MAPK10: variants seen among roughly 807,000 people sequenced by gnomAD.
MAPK10 encodes JNK3 alpha protein kinase.
MAPK10 carries 25 observed loss-of-function variants against 59.3 expected under a neutral mutation model. That is an observed-to-expected ratio of 0.42 (90% CI 0.31 to 0.59). MAPK10 has a LOEUF of 0.59. MAPK10 is among the 20% of genes least tolerant of loss of function. MAPK10 has a pLI of 0.15. For synonymous variants in MAPK10, 190 were observed against 200.5 expected (o/e 0.95, Z 0.44); for missense variants, 351 against 568.9 (o/e 0.62, Z 3.90).
chr4:86,346,823 C>A (rs376686804), intron 2 of MAPK10, among the ~76,000 whole-genome samples: 1 of 151,146 alleles, frequency 6.6e-6, no homozygotes, highest in Non-Finnish European at 1.5e-5. Context: ...CACTTTTTCA[C>A]GTAGTTTTTG....
Position 86,208,753 on chromosome 4 carries a change from G to A in MAPK10, c.-6-14346C>T, listed in dbSNP as rs542877447. On this transcript the variant is annotated intron_variant, in intron 2 of 13. Coordinates refer to ENST00000641462, the MANE Select transcript of MAPK10 (RefSeq NM_138982.4). ...AGTTCTGGCCAGGGCAATTAGGCAG[G>A]AGAAGAAAATAAAGGGTATTCAATT... Among the ~76,000 whole-genome samples, 919 of 152,112 alleles carry A rather than the reference G, an allele frequency of 6.0e-3. 7 individuals are homozygous for A. Among genetic ancestry groups the A allele is most frequent in the South Asian group, 0.021 (100 of 4,814 alleles).
intron 1 of MAPK10, among the ~76,000 whole-genome samples, chr4:86,435,161 A>G (rs1286153931): frequency 2.0e-5 from 3 of 152,164 alleles, no homozygotes; most frequent in Non-Finnish European, 4.4e-5. Flanking sequence ...GGAAAAAAAG[A>G]ATATAAAGGT....
chr4:86,319,880 G>A (rs939185124), intron 2 of MAPK10, among the ~76,000 whole-genome samples: 58 of 152,296 alleles, frequency 3.8e-4, no homozygotes, highest in African/African-American at 1.1e-3. Context: ...ACTGCCCAAG[G>A]CAGAAACCTC....
intron 1 of MAPK10, among the ~76,000 whole-genome samples, chr4:86,525,891 C>A (rs1165348755): frequency 6.6e-6 from 1 of 152,180 alleles, no homozygotes; most frequent in Non-Finnish European, 1.5e-5. Flanking sequence ...TGGGGAATTT[C>A]AAACACTAAA....
chr4:86,225,098 G>T (rs989762737), intron 2 of MAPK10, among the ~76,000 whole-genome samples: 1 of 152,176 alleles, frequency 6.6e-6, no homozygotes, highest in South Asian at 2.1e-4. Flanking sequence ...CAATATATTC[G>T]TTTTCTGTGC....
chr4:86,561,172 G>GCCA (rs1760649475), intron 1 of MAPK10, among the ~76,000 whole-genome samples: 2 of 152,156 alleles, frequency 1.3e-5, no homozygotes, highest in African/African-American at 4.8e-5. Flanking sequence ...AGAATCTAAT[G>GCCA]CCACTGCTGA....
intron 1 of MAPK10, among the ~76,000 whole-genome samples, chr4:86,468,058 C>T (rs1752363700): frequency 6.6e-6 from 1 of 152,204 alleles, no homozygotes; most frequent in Non-Finnish European, 1.5e-5. Flanking sequence ...AGAAACTTTG[C>T]TTTAGCTTCT....
chr4:86,382,070 C>T (rs1740800829), intron 1 of MAPK10, among the ~76,000 whole-genome samples: 1 of 152,102 alleles, frequency 6.6e-6, no homozygotes, highest in Non-Finnish European at 1.5e-5. Flanking sequence ...GAATGTTTAG[C>T]AAGAAGCATC....
chr4:86,447,025 G>A (rs150500997), intron 1 of MAPK10, among the ~76,000 whole-genome samples: 3 of 152,128 alleles, frequency 2.0e-5, no homozygotes, highest in African/African-American at 4.8e-5. Context: ...CATGTTAAAC[G>A]TTTGTAACAT....
intron 2 of MAPK10, among the ~76,000 whole-genome samples, chr4:86,337,814 G>T (rs1456533563): frequency 6.6e-6 from 1 of 152,152 alleles, no homozygotes; most frequent in Non-Finnish European, 1.5e-5. Context: ...CCATTGATTT[G>T]CCCAGATAGA....
intron 1 of MAPK10, among the ~76,000 whole-genome samples, chr4:86,372,572 A>AAAG (rs1564749756): frequency 7.0e-4 from 73 of 104,014 alleles, no homozygotes; most frequent in African/African-American, 2.1e-3. Context: ...AAGAAAGAAA[A>AAAG]GAAAAGAAAA....
chr4:86,357,431 T>G (rs1735087090), intron 1 of MAPK10, among the ~76,000 whole-genome samples: 1 of 152,124 alleles, frequency 6.6e-6, no homozygotes, highest in Admixed American at 6.6e-5. Context: ...CATGGGAGGT[T>G]TTTCTAGATT....
chr4:86,449,107 C>A (rs901015649), intron 1 of MAPK10, among the ~76,000 whole-genome samples: 1 of 151,988 alleles, frequency 6.6e-6, no homozygotes, highest in African/African-American at 2.4e-5. Context: ...CACCTCACGA[C>A]CCTGCTCACC....
chr4:86,142,827 G>C (rs1281671682), intron 4 of MAPK10, among the ~76,000 whole-genome samples: 1 of 152,086 alleles, frequency 6.6e-6, no homozygotes, highest in Non-Finnish European at 1.5e-5. Flanking sequence ...ATGGTTATAA[G>C]AACTTCCCTA....
Position 86,191,300 on chromosome 4 carries a change from T to C in MAPK10, c.66+3036A>G, listed in dbSNP as rs2079698176. ...GCTGCATTCAAGTCCTGAATATCCT[T>C]GTTAATTTTCTGCCTCGTTGATCTG... On this transcript the variant is annotated intron_variant, in intron 3 of 13. Transcript: ENST00000641462. Among the ~76,000 whole-genome samples the C allele has an allele frequency of 2.0e-5, 3 of 152,142 alleles. No homozygotes were observed. The South Asian group carries it at 6.2e-4, about 31-fold the overall frequency.
At chr4:86,431,351 A>T (rs1029908574) in intron 1 of MAPK10, among the ~76,000 whole-genome samples, 6 of 152,242 alleles carry the variant, frequency 3.9e-5, no homozygotes, top group Non-Finnish European at 7.3e-5. Context: ...AGAGAATTAA[A>T]CATTAAAATG....
chr4:86,017,377 TAAG>T lies in MAPK10; in HGVS notation c.1253-10_1253-8del, dbSNP rs2148889439. The T allele has an allele frequency of 3.1e-6, 5 of 1,613,902 alleles. No homozygotes were observed. Among genetic ancestry groups the T allele is most frequent in the Non-Finnish European group, 4.2e-6 (5 of 1,179,856 alleles). On this transcript the variant is annotated splice_region_variant and splice_polypyrimidine_tract_variant and intron_variant, in intron 13 of 13. Transcript: ENST00000641462. The surrounding 1 kb of genome is among the most constrained non-coding windows in gnomAD (Gnocchi z 4.4). The stretch of plus-strand genomic sequence containing the variant: ...CTGCTGTTCACTGCTGCACCTGTGC[TAAG>T]AAAATGAAGACCAACATGACTCAAT...
At chr4:86,235,001 C>T (rs1159824209) in intron 2 of MAPK10, among the ~76,000 whole-genome samples, 1 of 152,046 alleles carries the variant, frequency 6.6e-6, no homozygotes, top group Non-Finnish European at 1.5e-5. Context: ...CTCCTTTACC[C>T]TTGTGCTACA....
At chr4:86,233,910 G>T (rs752675944) in intron 2 of MAPK10, among the ~76,000 whole-genome samples, 8 of 152,146 alleles carry the variant, frequency 5.3e-5, no homozygotes, top group Non-Finnish European at 1.2e-4. Flanking sequence ...TCTGAGTTGT[G>T]CATTCCAACA....
Sources: allele counts gnomAD v4.1 joint callset (sites outside exome capture counted in the v4.1 genomes callset), GRCh38; gene constraint gnomAD v4.1.1; non-coding constraint Gnocchi (gnomAD v3.1); transcripts MANE v1.5; gene names NCBI Gene and HGNC (gene_info 2026-07-23, HGNC 2026-07-21).